CCDC146: variants seen among roughly 807,000 people sequenced by gnomAD.
The protein encoded by CCDC146 is coiled-coil domain-containing protein 146.
In CCDC146, 92 loss-of-function variants were observed where a neutral mutation model predicts 119.3. That is an observed-to-expected ratio of 0.77 (90% CI 0.65 to 0.92). CCDC146 has a LOEUF of 0.92. Among genes scored for constraint, CCDC146 ranks in the 40% least tolerant of loss-of-function variants. The pLI is 0.00. For missense variants in CCDC146, 1,000 were observed against 1,103.0 expected, an observed-to-expected ratio of 0.91 and a Z score of 1.32; for synonymous variants, 372 against 371.8, an observed-to-expected ratio of 1.00 and a Z score of -0.01.
chr7:77,173,145 C>T (rs1303916257), intron 2 of CCDC146, among the ~76,000 whole-genome samples: 1 of 152,100 alleles, frequency 6.6e-6, no homozygotes, highest in Non-Finnish European at 1.5e-5. Context: ...CAGCAAACCA[C>T]CATGGCACAC....
intron 2 of CCDC146, chr7:77,198,660 A>G (rs976469066): frequency 6.5e-6 from 1 of 153,930 alleles, no homozygotes; most frequent in Non-Finnish European, 1.4e-5. Flanking sequence ...GTGCACACAT[A>G]TGAAACTGCT....
At chr7:77,178,430 G>A (rs1259608443) in intron 2 of CCDC146, among the ~76,000 whole-genome samples, 1 of 152,164 alleles carries the variant, frequency 6.6e-6, no homozygotes, top group Non-Finnish European at 1.5e-5. Flanking sequence ...TCTACAATAT[G>A]CCAAACCCAA....
At chr7:77,270,404 T>C (rs1793489179) in intron 9 of CCDC146, among the ~76,000 whole-genome samples, 1 of 151,964 alleles carries the variant, frequency 6.6e-6, no homozygotes, top group Admixed American at 6.6e-5. Flanking sequence ...AATGCTACAC[T>C]ATAAAAACTA....
chr7:77,221,415 G>C (rs1792401019), intron 2 of CCDC146, among the ~76,000 whole-genome samples: 1 of 152,180 alleles, frequency 6.6e-6, no homozygotes, highest in South Asian at 2.1e-4. Context: ...TCAAATTTAT[G>C]TTCTTTTTCC....
At chr7:77,159,995 A>T (rs1791234453) in intron 1 of CCDC146, among the ~76,000 whole-genome samples, 1 of 152,210 alleles carries the variant, frequency 6.6e-6, no homozygotes, top group African/African-American at 2.4e-5. Flanking sequence ...ATGGCTAGCC[A>T]GTTTTCACAG....
intron 3 of CCDC146, among the ~76,000 whole-genome samples, chr7:77,239,580 C>T (rs1400359324): frequency 3.3e-5 from 5 of 152,142 alleles, no homozygotes; most frequent in South Asian, 2.1e-4. Context: ...AGTCATTGGG[C>T]GTCTCTGCAA....
chr7:77,178,251 A>C lies in CCDC146; in HGVS notation c.156+10427A>C, dbSNP rs141579062. ...TTGGCCAGGAATCTGGGGTATTGTC[A>C]GAACAACTCTATTTGAACAAGCTAT... On this transcript the variant is annotated intron_variant, in intron 2 of 18. Transcript: ENST00000285871. 8.4e-3 allele frequency among the ~76,000 whole-genome samples: 1,273 copies of C among 152,368 alleles called. 62 individuals are homozygous for C. The East Asian group carries it at 0.14, about 16-fold the overall frequency.
rs1455711439 is a variant in CCDC146 at position 77,287,573 on chromosome 7, A to G, written c.2411A>G (p.Lys804Arg). 1 of 1,613,276 alleles carries G rather than the reference A, an allele frequency of 6.2e-7. No homozygotes were observed. The highest frequency in any genetic ancestry group is 8.5e-7 in the Non-Finnish European group (1 of 1,179,864). Reference sequence around the variant, plus strand: ...AAGCAGGACACACTGCTCTTAGCCAAGAAGGTAGGCCTGAGACCCTGCCTT... The same window carrying G: ...AAGCAGGACACACTGCTCTTAGCCAGGAAGGTAGGCCTGAGACCCTGCCTT... ...GCKQDTLLLA[K>R]KMNGYQRRIK... Residue 804 changes from lysine to arginine, a missense_variant, in exon 17 of 19, where the codon AAG (lysine) becomes AGG (arginine). Coordinates refer to ENST00000285871, the MANE Select transcript of CCDC146 (RefSeq NM_020879.3).
chr7:77,145,005 C>T (rs1340941710), intron 1 of CCDC146, among the ~76,000 whole-genome samples: 1 of 151,758 alleles, frequency 6.6e-6, no homozygotes, highest in Non-Finnish European at 1.5e-5. Context: ...ACCAGCTCCT[C>T]CTAGTACCTC....
At chr7:77,247,798 C>A (rs935228983) in intron 4 of CCDC146, among the ~76,000 whole-genome samples, 6 of 151,992 alleles carry the variant, frequency 3.9e-5, no homozygotes, top group African/African-American at 1.4e-4. Context: ...AAGATGTTGG[C>A]GGAGTGCTGA....
At chr7:77,123,947 A>C (rs144871483) in intron 1 of CCDC146, among the ~76,000 whole-genome samples, 3,296 of 152,282 alleles carry the variant, frequency 0.022, 109 homozygotes, top group East Asian at 0.14. Context: ...ATTGGTTATA[A>C]TTATTCAGAA....
At chr7:77,125,754 C>T (rs1163803724) in intron 1 of CCDC146, among the ~76,000 whole-genome samples, 3 of 152,014 alleles carry the variant, frequency 2.0e-5, no homozygotes, top group Non-Finnish European at 4.4e-5. Context: ...AAGAATTTAA[C>T]TTTCTGAATT....
chr7:77,185,158 C>T lies in CCDC146; in HGVS notation c.156+17334C>T, dbSNP rs572312054. 7.9e-5 allele frequency among the ~76,000 whole-genome samples: 12 copies of T among 151,784 alleles called. No homozygotes were observed. The East Asian group carries it at 2.3e-3, about 29-fold the overall frequency. On this transcript the variant is annotated intron_variant, in intron 2 of 18. Coordinates refer to ENST00000285871, the MANE Select transcript of CCDC146 (RefSeq NM_020879.3). ...TTATTCCAGCATTAATCATAGCAAA[C>T]AGAGATGACATTGGAAATGCTCCTA...
chr7:77,186,473 A>G (rs1791668174), intron 2 of CCDC146, among the ~76,000 whole-genome samples: 1 of 152,096 alleles, frequency 6.6e-6, no homozygotes, highest in Admixed American at 6.6e-5. Flanking sequence ...AAGTAGAAGG[A>G]TGGTTACAAG....
intron 2 of CCDC146, among the ~76,000 whole-genome samples, chr7:77,204,429 C>T (rs965428617): frequency 2.0e-5 from 3 of 152,140 alleles, no homozygotes; most frequent in African/African-American, 7.2e-5. Flanking sequence ...CTTGCAGGTA[C>T]TTCATTCTGG....
intron 2 of CCDC146, chr7:77,197,054 T>C: frequency 2.1e-6 from 2 of 953,024 alleles, no homozygotes; most frequent in Non-Finnish European, 3.2e-6. Context: ...GAATTCTTTA[T>C]ATGTACAAAA....
chr7:77,263,351 C>T (rs1437317930), intron 9 of CCDC146, among the ~76,000 whole-genome samples: 1 of 152,174 alleles, frequency 6.6e-6, no homozygotes, highest in East Asian at 1.9e-4. Flanking sequence ...AAGTGCATGA[C>T]ACCATGGAGG....
intron 15 of CCDC146, among the ~76,000 whole-genome samples, chr7:77,286,348 C>T (rs1042590128): frequency 5.9e-5 from 9 of 152,244 alleles, no homozygotes; most frequent in African/African-American, 1.9e-4. Flanking sequence ...CATGAAGGCC[C>T]CATCCTGCCC....
At chr7:77,147,664 C>T (rs1224301725) in intron 1 of CCDC146, among the ~76,000 whole-genome samples, 1 of 152,212 alleles carries the variant, frequency 6.6e-6, no homozygotes, top group African/African-American at 2.4e-5. Flanking sequence ...TTGGAGTTTG[C>T]TGGAGGTCCA....
Sources: gnomAD v4.1 joint callset for allele counts (sites outside exome capture counted in the v4.1 genomes callset) on GRCh38, gnomAD v4.1.1 for gene constraint, MANE v1.5 for transcripts, NCBI Gene and HGNC (gene_info 2026-07-23, HGNC 2026-07-21) for gene names.